CCDC85A: variants seen among roughly 807,000 people sequenced by gnomAD.
CCDC85A encodes coiled-coil domain-containing protein 85A.
Under a neutral mutation model 50.2 loss-of-function variants are expected in CCDC85A, and 38 were observed. The observed-to-expected ratio is 0.76, with a 90% CI of 0.58 to 0.99. CCDC85A has a LOEUF of 0.99. CCDC85A is among the 50% of genes least tolerant of loss of function. The pLI is 0.00. For missense variants in CCDC85A, 820 were observed against 742.0 expected, an observed-to-expected ratio of 1.11 and a Z score of -1.22; for synonymous variants, 366 against 301.4, an observed-to-expected ratio of 1.21 and a Z score of -2.22.
intron 3 of CCDC85A, among the ~76,000 whole-genome samples, chr2:56,352,388 C>A (rs927888145): frequency 5.9e-5 from 9 of 152,162 alleles, no homozygotes; most frequent in African/African-American, 2.2e-4. Flanking sequence ...ACTCGCTCTA[C>A]AGGCTGGAGT....
intron 2 of CCDC85A, among the ~76,000 whole-genome samples, chr2:56,242,470 TG>T (rs1669305118): frequency 6.6e-6 from 1 of 152,010 alleles, no homozygotes; most frequent in Non-Finnish European, 1.5e-5. Context: ...AGAAAGTTGA[TG>T]GGGGAGATGC....
At chr2:56,382,178 A>G (rs997205354) in intron 5 of CCDC85A, among the ~76,000 whole-genome samples, 1 of 152,096 alleles carries the variant, frequency 6.6e-6, no homozygotes. Flanking sequence ...TGCAGATTGT[A>G]AAGCAATTTC....
At position 56,184,781 on chromosome 2, in the gene CCDC85A, A is replaced by T. The variant is rs1675927087; in HGVS notation, c.157A>T (p.Ile53Phe). 1 of 1,546,444 alleles carries T rather than the reference A, an allele frequency of 6.5e-7. No individual in the cohort carries two copies. The highest frequency in any genetic ancestry group is 8.7e-7 in the Non-Finnish European group (1 of 1,146,072). The change falls in exon 1 of 6, where the codon ATC becomes TTC. Residue 53 changes from isoleucine (I) to phenylalanine (F), a missense_variant. Transcript: ENST00000407595. ...ELLQWSKEEL[I>F]RSLRRAEAEK... is the part of the protein sequence containing the mutation. ...GCTGCAGTGGAGCAAGGAGGAGCTG[A>T]TCCGCAGCCTGCGGCGCGCCGAGGC...
At chr2:56,303,390 G>A (rs1199303749) in intron 2 of CCDC85A, among the ~76,000 whole-genome samples, 4 of 152,058 alleles carry the variant, frequency 2.6e-5, no homozygotes, top group Non-Finnish European at 1.5e-5. Context: ...TCTCTCTCTT[G>A]TATTCTCAAT....
intron 2 of CCDC85A, among the ~76,000 whole-genome samples, chr2:56,269,441 A>G (rs1670602954): frequency 6.6e-6 from 1 of 152,106 alleles, no homozygotes; most frequent in Admixed American, 6.6e-5. Flanking sequence ...AGGATTTAGA[A>G]AAACATAAGT....
At chr2:56,247,844 A>C (rs1274165612) in intron 2 of CCDC85A, among the ~76,000 whole-genome samples, 1 of 152,256 alleles carries the variant, frequency 6.6e-6, no homozygotes, top group African/African-American at 2.4e-5. Flanking sequence ...CATTGATTCA[A>C]ATAAACAAGT....
chr2:56,206,960 G>A (rs537248096), intron 2 of CCDC85A, among the ~76,000 whole-genome samples: 1 of 60,158 alleles, frequency 1.7e-5, no homozygotes. Flanking sequence ...TGATGAAGGT[G>A]TACTGTTTTT....
chr2:56,196,593 C>A (rs1029721528), intron 2 of CCDC85A, among the ~76,000 whole-genome samples: 13 of 152,048 alleles, frequency 8.5e-5, no homozygotes, highest in African/African-American at 1.2e-4. Flanking sequence ...AGCTGGCAGG[C>A]CTTTGCTTTT....
chr2:56,372,566 GA>G, intron 4 of CCDC85A, 88 bp downstream of exon 4: 1 of 1,341,136 alleles, frequency 7.5e-7, no homozygotes, highest in East Asian at 2.9e-5. Context: ...CTGGGGGGTA[GA>G]AAACAAGTTC....
rs1429312670 is a variant in CCDC85A at position 56,334,239 on chromosome 2, A to G, written c.1241-8640A>G. ...GAATGTGGGCTCCATAAACACCCAG[A>G]TCTTATCATTCCTGGCTGCTACTGT... On this transcript the variant is annotated intron_variant, in intron 2 of 5. Transcript: ENST00000407595. Among the ~76,000 whole-genome samples, 10 of 152,320 alleles carry G rather than the reference A, an allele frequency of 6.6e-5. No homozygotes were observed. The South Asian group carries it at 1.9e-3, about 28-fold the overall frequency.
At chr2:56,232,093 T>C (rs1159916) in intron 2 of CCDC85A, among the ~76,000 whole-genome samples, 44,596 of 151,882 alleles carry the variant, frequency 0.29, 6,651 homozygotes, top group Middle Eastern at 0.36. Flanking sequence ...GCATTTTACA[T>C]AATTTCTTCT....
At chr2:56,187,191 A>ATT (rs148731846) in intron 1 of CCDC85A, among the ~76,000 whole-genome samples, 12 of 151,632 alleles carry the variant, frequency 7.9e-5, no homozygotes, top group African/African-American at 2.9e-4. Context: ...GAAAAGAAGT[A>ATT]TTTTTTTTTG....
intron 2 of CCDC85A, among the ~76,000 whole-genome samples, chr2:56,327,997 A>G (rs1242080825): frequency 1.3e-5 from 2 of 152,140 alleles, no homozygotes; most frequent in Non-Finnish European, 2.9e-5. Context: ...TACTGTAATT[A>G]TCTGCTTTAT....
intron 3 of CCDC85A, among the ~76,000 whole-genome samples, chr2:56,354,213 C>G (rs1161332692): frequency 6.6e-6 from 1 of 151,916 alleles, no homozygotes; most frequent in Non-Finnish European, 1.5e-5. Flanking sequence ...TAATTTATAC[C>G]CAACAATAGG....
chr2:56,378,274 C>T (rs1455343475), intron 5 of CCDC85A, among the ~76,000 whole-genome samples: 2 of 150,872 alleles, frequency 1.3e-5, no homozygotes, highest in South Asian at 2.1e-4. Context: ...TTATAGAAAA[C>T]GCTAGGCTTT....
intron 2 of CCDC85A, among the ~76,000 whole-genome samples, chr2:56,270,156 G>T (rs1397174708): frequency 2.0e-5 from 3 of 152,108 alleles, no homozygotes; most frequent in Non-Finnish European, 1.5e-5. Context: ...CTTTCCTTTA[G>T]ACTAATGAGT....
chr2:56,237,301 T>C (rs1669062017), intron 2 of CCDC85A, among the ~76,000 whole-genome samples: 1 of 152,306 alleles, frequency 6.6e-6, no homozygotes, highest in Admixed American at 6.5e-5. Flanking sequence ...AGATTATCCT[T>C]ATTACAATTA....
rs151280730 is a variant in CCDC85A at position 56,285,409 on chromosome 2, C to A, written c.1241-57470C>A. Reference sequence around the variant, plus strand: ...GTGAGCCAACACACCTGGCCGAGTACATTTTATTTAATGTTCTTATCGATT... The same window carrying A: ...GTGAGCCAACACACCTGGCCGAGTAAATTTTATTTAATGTTCTTATCGATT... On this transcript the variant is annotated intron_variant, in intron 2 of 5. Coordinates refer to ENST00000407595, the MANE Select transcript of CCDC85A (RefSeq NM_001080433.2). Among the ~76,000 whole-genome samples the A allele has an allele frequency of 3.0e-3, 449 of 148,158 alleles. 1 individual carries two copies. Among genetic ancestry groups the A allele is most frequent in the Admixed American group, 4.5e-3 (66 of 14,828 alleles).
Position 56,207,819 on chromosome 2 carries a change from A to G in CCDC85A, c.1240+14379A>G, listed in dbSNP as rs140995035. 5.8e-4 allele frequency among the ~76,000 whole-genome samples: 89 copies of G among 152,300 alleles called. 1 individual carries two copies. The East Asian group carries it at 0.015, about 25-fold the overall frequency. On this transcript the variant is annotated intron_variant, in intron 2 of 5. Transcript: ENST00000407595. ...TCTACTTATAGCTGCTGAGGTGCTG[A>G]TAATATTGAATGATCACTATAAGAA... is the stretch of plus-strand genomic sequence containing the variant.
Sources: gnomAD v4.1 joint callset for allele counts (sites outside exome capture counted in the v4.1 genomes callset) on GRCh38, gnomAD v4.1.1 for gene constraint, MANE v1.5 for transcripts, NCBI Gene and HGNC (gene_info 2026-07-23, HGNC 2026-07-21) for gene names.